Variants in OPA1 observed in about 807,000 individuals in gnomAD.
The protein encoded by OPA1 is dynamin-like GTPase OPA1, mitochondrial.
OPA1 carries 59 observed loss-of-function variants against 152.9 expected under a neutral mutation model. The ratio of observed to expected loss-of-function variants is 0.39; its 90% CI spans 0.31 to 0.48. OPA1 has a LOEUF of 0.48. Ranked by LOEUF, OPA1 falls within the 20% of genes least tolerant of loss-of-function variation. The pLI, the probability that OPA1 is intolerant of heterozygous loss-of-function variation, is 0.96. For missense variants in OPA1, 1,008 were observed against 1,216.8 expected, an observed-to-expected ratio of 0.83 and a Z score of 2.55; for synonymous variants, 400 against 389.9, an observed-to-expected ratio of 1.03 and a Z score of -0.31.
At position 193,665,007 on chromosome 3, in the gene OPA1, C is replaced by G. The variant is rs111688935; in HGVS notation, c.2778+11C>G. On this transcript the variant is annotated intron_variant, in intron 27 of 30. Transcript: ENST00000361510. ...TTTGTAGATTCTGAGGTAAGGTTTC[C>G]AAAAACAAAGAGAAGTATTTTTAAG... 9,742 of 1,395,254 alleles carry G rather than the reference C, an allele frequency of 7.0e-3. 591 individuals carry two copies. The African/African-American group carries it at 0.12, about 17-fold the overall frequency. 86.4% of individuals were successfully genotyped at this position (1,395,254 alleles called of 1,614,324 possible).
chr3:193,671,554 G>A (rs1235210043), intron 29 of OPA1, among the ~76,000 whole-genome samples: 2 of 152,064 alleles, frequency 1.3e-5, no homozygotes, highest in Non-Finnish European at 2.9e-5. Flanking sequence ...GGGATCCGAG[G>A]GTTCCATTGT....
At chr3:193,602,744 T>C (rs1276076449) in intron 1 of OPA1, among the ~76,000 whole-genome samples, 1 of 152,240 alleles carries the variant, frequency 6.6e-6, no homozygotes, top group African/African-American at 2.4e-5. Flanking sequence ...ACAATGGTAA[T>C]GCAACTGTGT....
intron 1 of OPA1, among the ~76,000 whole-genome samples, chr3:193,612,944 G>A (rs1728482043): frequency 2.0e-5 from 3 of 152,164 alleles, no homozygotes; most frequent in African/African-American, 7.2e-5. Flanking sequence ...ATGACCTCCA[G>A]TTACAATCAA....
At chr3:193,649,590 A>G (rs1375238248) in intron 21 of OPA1, among the ~76,000 whole-genome samples, 1 of 152,180 alleles carries the variant, frequency 6.6e-6, no homozygotes, top group African/African-American at 2.4e-5. Flanking sequence ...AGCTATCCTC[A>G]CTGCCATTCA....
In OPA1 at chr3:193,667,294, A is replaced by T; in HGVS notation, c.2983+14A>T. On this transcript the variant is annotated intron_variant, in intron 29 of 30. Coordinates refer to ENST00000361510, the MANE Select transcript of OPA1 (RefSeq NM_130837.3). ...CGGAAGACCTCAGTGAGTAGTTCTT[A>T]CTGCCCTCTACCTTACTACCTTTCC... 1 of 1,095,128 alleles carries T rather than the reference A, an allele frequency of 9.1e-7. No individual in the cohort carries two copies. The allele number at this position is 1,095,128 out of a possible 1,614,324, so 67.8% of individuals were successfully genotyped here. A position where few individuals can be genotyped will look rare whatever the true frequency, so the allele number is the denominator to read the frequency against.
At chr3:193,603,719 G>A (rs1194228837) in intron 1 of OPA1, among the ~76,000 whole-genome samples, 1 of 152,166 alleles carries the variant, frequency 6.6e-6, no homozygotes, top group Non-Finnish European at 1.5e-5. Context: ...TGAAGAGTTC[G>A]CTTCTCTATT....
chr3:193,686,668 G>A (rs1463334782), intron 29 of OPA1, among the ~76,000 whole-genome samples: 1 of 152,138 alleles, frequency 6.6e-6, no homozygotes, highest in East Asian at 1.9e-4. Flanking sequence ...TAAAGGGCAA[G>A]TATATAGTGT....
At chr3:193,615,416 C>T (rs1203307037) in intron 2 of OPA1, among the ~76,000 whole-genome samples, 1 of 152,170 alleles carries the variant, frequency 6.6e-6, no homozygotes, top group African/African-American at 2.4e-5. Context: ...TTCTACCCCA[C>T]AGTAATATTT....
At chr3:193,629,455 T>C (rs987667433) in intron 7 of OPA1, among the ~76,000 whole-genome samples, 5 of 151,876 alleles carry the variant, frequency 3.3e-5, no homozygotes, top group Middle Eastern at 3.4e-3. Context: ...TCCCAGCACT[T>C]TGGGAGGCTG....
intron 18 of OPA1, among the ~76,000 whole-genome samples, chr3:193,646,860 C>A (rs938099088): frequency 1.3e-5 from 2 of 152,158 alleles, no homozygotes; most frequent in African/African-American, 4.8e-5. Flanking sequence ...GTTACACTAG[C>A]CACACATTTC....
chr3:193,615,552 T>C (rs868652390), intron 2 of OPA1, 122 bp from the exon 3 acceptor site: 3 of 722,576 alleles, frequency 4.2e-6, no homozygotes, highest in Middle Eastern at 6.6e-4. Flanking sequence ...ATTTTGTTTC[T>C]TAAAAGTTTT....
At chr3:193,677,722 C>T (rs563752996) in intron 29 of OPA1, among the ~76,000 whole-genome samples, 1 of 152,342 alleles carries the variant, frequency 6.6e-6, no homozygotes, top group African/African-American at 2.4e-5. Context: ...CACAGCCCTT[C>T]TCCCCCAGTG....
rs180995132 is a variant in OPA1, at chr3:193,655,115, C to A, written c.2178+88C>A. On this transcript the variant is annotated intron_variant, in intron 22 of 30. Transcript: ENST00000361510. The stretch of plus-strand genomic sequence containing the variant: ...TTTTAGATTTTATTCCCATCACAGC[C>A]TCTATCTTTCTTTTAGGTCTTTATA... 2.9e-5 allele frequency: 35 copies of A among 1,199,584 alleles called. No homozygotes were observed. The Admixed American group carries it at 4.1e-4, about 14-fold the overall frequency. 74.3% of individuals were successfully genotyped at this position (1,199,584 alleles called of 1,614,324 possible). A position where few individuals can be genotyped will look rare whatever the true frequency, so the allele number is the denominator to read the frequency against.
At chr3:193,694,450 G>T (rs535814931) in intron 30 of OPA1, among the ~76,000 whole-genome samples, 156 bp from the exon 31 acceptor site, 19 of 152,276 alleles carry the variant, frequency 1.2e-4, no homozygotes, top group African/African-American at 4.1e-4. Flanking sequence ...TGCCAATATT[G>T]TTAGGTCGGT....
chr3:193,657,545 A>ATT (rs1037964895), intron 23 of OPA1, among the ~76,000 whole-genome samples: 4 of 152,150 alleles, frequency 2.6e-5, no homozygotes, highest in African/African-American at 9.7e-5. Flanking sequence ...GGTGCTTCTA[A>ATT]TTTTACCCTC....
chr3:193,637,068 T>C (rs1733054476), intron 9 of OPA1, 127 bp from the exon 10 acceptor site: 1 of 535,700 alleles, frequency 1.9e-6, no homozygotes, highest in Non-Finnish European at 3.3e-6. Context: ...TTTATGTAAT[T>C]TGAGAAAACA....
intron 1 of OPA1, among the ~76,000 whole-genome samples, chr3:193,602,716 A>G (rs1726649228): frequency 6.6e-6 from 1 of 152,232 alleles, no homozygotes; most frequent in South Asian, 2.1e-4. Context: ...GCTTTCCTGA[A>G]GACTGAGGGT....
rs1725489212 is a variant in OPA1, at chr3:193,596,295, C to CTT, written c.32+2889_32+2890dup. Among the ~76,000 whole-genome samples, 4 of 42,476 alleles carry CTT rather than the reference C, an allele frequency of 9.4e-5. No individual in the cohort carries two copies. In the Admixed American group the frequency reaches 1.1e-3, roughly 12 times the overall value. The allele number at this position is 42,476 out of a possible 152,430, so 27.9% of individuals were successfully genotyped here. A position where few individuals can be genotyped will look rare whatever the true frequency, so the allele number is the denominator to read the frequency against. Reference sequence around the variant, plus strand: ...ATTTTTTTAATATTGGCCATCGCAACTTTTCTTTTCTTTTCCTTTCCTTTC... The same window carrying CTT: ...ATTTTTTTAATATTGGCCATCGCAACTTTTTTCTTTTCTTTTCCTTTCCTTTC... On this transcript the variant is annotated intron_variant, in intron 1 of 30. Coordinates refer to ENST00000361510, the MANE Select transcript of OPA1 (RefSeq NM_130837.3).
At chr3:193,675,943 T>C (rs2109351694) in intron 29 of OPA1, among the ~76,000 whole-genome samples, 1 of 152,358 alleles carries the variant, frequency 6.6e-6, no homozygotes, top group Non-Finnish European at 1.5e-5. Context: ...TTCTACTCTG[T>C]CTTGCCAGAA....
Sources: gnomAD v4.1 joint callset for allele counts (sites outside exome capture counted in the v4.1 genomes callset) on GRCh38, gnomAD v4.1.1 for gene constraint, MANE v1.5 for transcripts, NCBI Gene and HGNC (gene_info 2026-07-23, HGNC 2026-07-21) for gene names.